Variants in DTNBP1 observed in about 807,000 individuals in gnomAD.
DTNBP1 encodes the protein dystrobrevin binding protein 1.
DTNBP1 carries 35 observed loss-of-function variants against 42.8 expected under a neutral mutation model. The observed-to-expected ratio is 0.82, with a 90% confidence interval of 0.63 to 1.09. The LOEUF (loss-of-function observed/expected upper bound fraction) is 1.09. Ranked by LOEUF, DTNBP1 falls within the 50% of genes least tolerant of loss-of-function variation. The pLI, the probability that DTNBP1 is intolerant of heterozygous loss-of-function variation, is 0.00. For missense variants in DTNBP1, 457 were observed against 424.2 expected (o/e 1.08, Z -0.68); for synonymous variants, 171 against 162.2 (o/e 1.05, Z -0.41).
intron 7 of DTNBP1, among the ~76,000 whole-genome samples, chr6:15,588,561 A>G (rs1443676520): frequency 6.6e-6 from 1 of 152,246 alleles, no homozygotes; most frequent in South Asian, 2.1e-4. Context: ...AATGCTCTGC[A>G]TGCCCACATT....
At chr6:15,533,887 C>G (rs1194068307) in intron 7 of DTNBP1, among the ~76,000 whole-genome samples, 1 of 152,216 alleles carries the variant, frequency 6.6e-6, no homozygotes, top group Non-Finnish European at 1.5e-5. Context: ...TGCTGTCACT[C>G]AGCTCAGAGC....
chr6:15,594,474 A>T (rs996878765), intron 6 of DTNBP1, among the ~76,000 whole-genome samples: 1 of 151,914 alleles, frequency 6.6e-6, no homozygotes, highest in Non-Finnish European at 1.5e-5. Context: ...CAAAAAAAAA[A>T]AAAACGAAAC....
rs567810729 is a variant in DTNBP1 at position 15,609,832 on chromosome 6, G to A, written c.488+5435C>T. ...GAGTGTGGGCTCAGCATCAGAGGGT[G>A]GTAAGAGCAGACCTAGCTGTTTCAC... is the stretch of plus-strand genomic sequence containing the variant. On this transcript the variant is annotated intron_variant, in intron 6 of 9. Transcript: ENST00000344537. Among the ~76,000 whole-genome samples the A allele has an allele frequency of 3.3e-5, 5 of 152,272 alleles. No individual in the cohort carries two copies. The East Asian group carries it at 9.7e-4, about 29-fold the overall frequency.
intron 7 of DTNBP1, among the ~76,000 whole-genome samples, chr6:15,541,040 C>T (rs1374325676): frequency 6.6e-6 from 1 of 152,082 alleles, no homozygotes; most frequent in Non-Finnish European, 1.5e-5. Flanking sequence ...CTGTCCCCAC[C>T]AGCTCCCCAC....
intron 4 of DTNBP1, among the ~76,000 whole-genome samples, chr6:15,632,786 C>G (rs2113755249): frequency 6.6e-6 from 1 of 152,280 alleles, no homozygotes; most frequent in Admixed American, 6.5e-5. Flanking sequence ...TTTCTAATGT[C>G]AAGTTAACCT....
At chr6:15,584,495 A>G (rs529533647) in intron 7 of DTNBP1, among the ~76,000 whole-genome samples, 1 of 152,038 alleles carries the variant, frequency 6.6e-6, no homozygotes, top group Non-Finnish European at 1.5e-5. Flanking sequence ...GATTCCATTA[A>G]TGCTCCAATT....
At chr6:15,653,681 A>G (rs1273066619) in intron 1 of DTNBP1, among the ~76,000 whole-genome samples, 2 of 152,252 alleles carry the variant, frequency 1.3e-5, no homozygotes, top group Non-Finnish European at 2.9e-5. Flanking sequence ...GTGCTACAGT[A>G]TGCAGTAATA....
chr6:15,537,206 G>A (rs930678285), intron 7 of DTNBP1, among the ~76,000 whole-genome samples: 13 of 152,124 alleles, frequency 8.5e-5, no homozygotes, highest in African/African-American at 3.1e-4. Flanking sequence ...AGATCACGAG[G>A]TCAGGAGTTC....
chr6:15,628,398 CTTTT>C (rs70996561), intron 4 of DTNBP1, among the ~76,000 whole-genome samples: 3 of 77,058 alleles, frequency 3.9e-5, no homozygotes, highest in Non-Finnish European at 7.1e-5. Flanking sequence ...GATTAAGGTT[CTTTT>C]TTTTTTTTTT....
intron 7 of DTNBP1, among the ~76,000 whole-genome samples, chr6:15,541,262 A>T (rs1056801942): frequency 1.3e-5 from 2 of 152,242 alleles, no homozygotes; most frequent in African/African-American, 4.8e-5. Flanking sequence ...TGCTGTGTGT[A>T]CTGAAATCAT....
chr6:15,524,132 C>T (rs1184043531), intron 9 of DTNBP1: 2 of 1,375,710 alleles, frequency 1.5e-6, no homozygotes, highest in Non-Finnish European at 1.9e-6. Flanking sequence ...CAGGCACGCC[C>T]CTAAATGCCT....
Position 15,593,059 on chromosome 6 carries a change from C to G in DTNBP1, c.511G>C (p.Ala171Pro). 1.9e-6 allele frequency: 3 copies of G among 1,586,038 alleles called. No individual in the cohort carries two copies. The highest frequency in any genetic ancestry group is 2.6e-6 in the Non-Finnish European group (3 of 1,164,860). Residue 171 changes from alanine to proline, a missense_variant and splice_region_variant, in exon 7 of 10, where the codon GCT (alanine) becomes CCT (proline). By Grantham distance (27) the Ala-to-Pro change is conservative (BLOSUM62 -1). Transcript: ENST00000344537. ...AAGTGAAGAATTAACACAAAATTAC[C>G]TTTGAAGGTTTCAAGTTCCTTCCTG... ...NKRKELETFKAELDAEHAQKV... is the reference protein window; with the variant it reads ...NKRKELETFKPELDAEHAQKV...
In DTNBP1 at chr6:15,524,632, C is replaced by T; in HGVS notation, c.705G>A (p.Val235=). The T allele has an allele frequency of 6.2e-7, 1 of 1,613,864 alleles. No individual in the cohort carries two copies. Among genetic ancestry groups the T allele is most frequent in the Non-Finnish European group, 8.5e-7 (1 of 1,180,016 alleles). The stretch of plus-strand genomic sequence containing the variant: ...TCAGGTCCATCTGCTCCAGCATGTC[C>T]ACGTTCACTTCCATGGATGACATGC... ...IGSMSSMEVN[V]DMLEQMDLMD... is the part of the protein sequence containing the mutation. Residue 235 remains valine, a synonymous_variant, in exon 9 of 10, where the codon GTG becomes GTA. Transcript: ENST00000344537.
At chr6:15,553,594 C>CTTTTTTTTT (rs56173414) in intron 7 of DTNBP1, among the ~76,000 whole-genome samples, 4 of 72,954 alleles carry the variant, frequency 5.5e-5, no homozygotes, top group Admixed American at 1.9e-4. Flanking sequence ...GACAAGTGAG[C>CTTTTTTTTT]TTTTTTTTTT....
intron 6 of DTNBP1, among the ~76,000 whole-genome samples, chr6:15,601,795 A>T (rs962339464): frequency 1.3e-5 from 2 of 151,740 alleles, no homozygotes; most frequent in South Asian, 2.1e-4. Flanking sequence ...TGGTGAGCTG[A>T]GATCACGCCA....
At chr6:15,536,608 C>G (rs527837387) in intron 7 of DTNBP1, among the ~76,000 whole-genome samples, 229 of 152,374 alleles carry the variant, frequency 1.5e-3, no homozygotes, top group South Asian at 5.2e-3. Flanking sequence ...GCCTGGATGT[C>G]CAGGCAAAAG....
At chr6:15,648,673 A>T (rs1300463766) in intron 3 of DTNBP1, among the ~76,000 whole-genome samples, 1 of 152,106 alleles carries the variant, frequency 6.6e-6, no homozygotes, top group African/African-American at 2.4e-5. Flanking sequence ...CTTAGGAATT[A>T]ACAAAGATGA....
chr6:15,647,079 G>C (rs1434692376), intron 3 of DTNBP1, among the ~76,000 whole-genome samples: 3 of 152,008 alleles, frequency 2.0e-5, no homozygotes, highest in Admixed American at 6.6e-5. Flanking sequence ...TACAGAATGA[G>C]AGAAAGTTTT....
chr6:15,625,224 A>G (rs1759273027), intron 5 of DTNBP1, among the ~76,000 whole-genome samples: 1 of 152,214 alleles, frequency 6.6e-6, no homozygotes, highest in Admixed American at 6.5e-5. Context: ...AGGCTAACAG[A>G]TAATTCAGAT....
Sources: gnomAD v4.1 joint callset for allele counts (sites outside exome capture counted in the v4.1 genomes callset) on GRCh38, gnomAD v4.1.1 for gene constraint, MANE v1.5 for transcripts, NCBI Gene and HGNC (gene_info 2026-07-23, HGNC 2026-07-21) for gene names.